Variants in RAB22A observed in about 807,000 individuals in gnomAD.
RAB22A encodes RAB22A, member RAS oncogene family.
RAB22A carries 13 observed loss-of-function variants against 30.2 expected under a neutral mutation model. That is an observed-to-expected ratio of 0.43 (90% CI 0.28 to 0.68). The LOEUF (loss-of-function observed/expected upper bound fraction) is 0.68. Ranked by LOEUF, RAB22A falls within the 30% of genes least tolerant of loss-of-function variation. RAB22A has a pLI of 0.18. For synonymous variants in RAB22A, 89 were observed against 87.2 expected (o/e 1.02, Z -0.11); for missense variants, 177 against 246.8 (o/e 0.72, Z 1.89).
chr20:58,357,193 CA>C (rs771216916), intron 6 of RAB22A, among the ~76,000 whole-genome samples: 3 of 152,090 alleles, frequency 2.0e-5, no homozygotes, highest in Non-Finnish European at 4.4e-5. Flanking sequence ...CAGTGATCTC[CA>C]TTTTCATGAC....
chr20:58,356,531 T>C (rs1436929224), intron 6 of RAB22A, among the ~76,000 whole-genome samples: 1 of 152,170 alleles, frequency 6.6e-6, no homozygotes, highest in African/African-American at 2.4e-5. Flanking sequence ...TGAAGTATAA[T>C]AGACATACAG....
At chr20:58,340,530 C>G (rs1986837230) in intron 2 of RAB22A, among the ~76,000 whole-genome samples, 1 of 152,168 alleles carries the variant, frequency 6.6e-6, no homozygotes, top group African/African-American at 2.4e-5. Flanking sequence ...GCATAACAGA[C>G]AGCCACTTAG....
At chr20:58,316,856 A>T (rs1185776973) in intron 2 of RAB22A, among the ~76,000 whole-genome samples, 1 of 152,076 alleles carries the variant, frequency 6.6e-6, no homozygotes, top group Admixed American at 6.5e-5. Context: ...GTCCTCAGGT[A>T]CTCAAGCCAG....
rs1987295346 is a variant in RAB22A, at chr20:58,365,210, A to AT, written c.*5508dup. On this transcript the variant is annotated 3_prime_UTR_variant, in exon 7 of 7. Transcript: ENST00000244040. ...TACTGTGGAGGAAATCATCCTTAAA[A>AT]TAGCATTTCACACATAGGGCCAAAA... is the stretch of plus-strand genomic sequence containing the variant. 6.6e-6 allele frequency: 1 copy of AT among 152,150 alleles called. No homozygotes were observed. Among genetic ancestry groups the AT allele is most frequent in the Non-Finnish European group, 1.5e-5 (1 of 68,018 alleles). The allele number at this position is 152,150 out of a possible 1,614,324, so 9.4% of individuals were successfully genotyped here. A position where few individuals can be genotyped will look rare whatever the true frequency, so the allele number is the denominator to read the frequency against.
intron 3 of RAB22A, 46 bp downstream of exon 3, chr20:58,343,845 A>C: frequency 7.0e-7 from 1 of 1,425,500 alleles, no homozygotes; most frequent in Non-Finnish European, 9.9e-7. Flanking sequence ...GCCCAAATGA[A>C]AGTTCCAACT....
intron 2 of RAB22A, among the ~76,000 whole-genome samples, chr20:58,341,550 A>T (rs943939390): frequency 2.0e-5 from 3 of 152,146 alleles, no homozygotes; most frequent in African/African-American, 7.2e-5. Flanking sequence ...AGCTTGAGGT[A>T]CAAGAAAACT....
intron 2 of RAB22A, among the ~76,000 whole-genome samples, chr20:58,339,354 A>C (rs576673008): frequency 6.6e-6 from 1 of 152,362 alleles, no homozygotes; most frequent in Admixed American, 6.5e-5. Flanking sequence ...CAGGCTGGAA[A>C]ATAAAAATGT....
intron 2 of RAB22A, among the ~76,000 whole-genome samples, chr20:58,316,165 A>G (rs1986334128): frequency 6.6e-6 from 1 of 152,192 alleles, no homozygotes; most frequent in Admixed American, 6.5e-5. Context: ...CTCCAGGGTC[A>G]GCAAAGGCCA....
At chr20:58,334,773 G>A (rs1436227704) in intron 2 of RAB22A, among the ~76,000 whole-genome samples, 1 of 145,694 alleles carries the variant, frequency 6.9e-6, no homozygotes, top group Non-Finnish European at 1.5e-5. Context: ...GCTAGACCCT[G>A]TAGTCCAGTG....
chr20:58,354,078 G>A (rs1749758030), intron 5 of RAB22A, 78 bp from the exon 6 acceptor site: 3 of 964,194 alleles, frequency 3.1e-6, no homozygotes, highest in Non-Finnish European at 4.8e-6. Context: ...TCATAAATCT[G>A]GTTAACTACT....
In RAB22A at chr20:58,343,738, C is replaced by G; in HGVS notation, c.137C>G (p.Thr46Ser). The G allele has an allele frequency of 6.2e-7, 1 of 1,610,400 alleles. No homozygotes were observed. The highest frequency in any genetic ancestry group is 2.2e-5 in the East Asian group (1 of 44,850). The change falls in exon 3 of 7, where the codon ACT becomes AGT. Residue 46 changes from threonine to serine, a missense_variant. Transcript: ENST00000244040. ...TATAGGGCATCTTTTATGACCAAGA[C>G]TGTCCAGTACCAAAATGAGCTACAT... ...PTIGASFMTK[T>S]VQYQNELHKF... is the part of the protein sequence containing the mutation.
chr20:58,330,238 T>G (rs78996703), intron 2 of RAB22A, among the ~76,000 whole-genome samples: 2,533 of 152,336 alleles, frequency 0.017, 29 homozygotes, highest in Non-Finnish European at 0.02. Flanking sequence ...CTGTTCAGTG[T>G]GTCTAATATT....
At chr20:58,346,786 G>T (rs752891114) in intron 3 of RAB22A, among the ~76,000 whole-genome samples, 5 of 152,188 alleles carry the variant, frequency 3.3e-5, no homozygotes, top group African/African-American at 4.8e-5. Flanking sequence ...TTCAGATATT[G>T]GTTGGTTGGA....
At chr20:58,333,213 G>A (rs1288034832) in intron 2 of RAB22A, among the ~76,000 whole-genome samples, 1 of 151,858 alleles carries the variant, frequency 6.6e-6, no homozygotes, top group Non-Finnish European at 1.5e-5. Context: ...CCAGGAGGCG[G>A]AGGTTGCAGT....
At position 58,359,795 on chromosome 20, in the gene RAB22A, C is replaced by G. The variant is rs1201968476; in HGVS notation, c.*92C>G. On this transcript the variant is annotated 3_prime_UTR_variant, in exon 7 of 7. Coordinates refer to ENST00000244040, the MANE Select transcript of RAB22A (RefSeq NM_020673.3). Reference sequence around the variant, plus strand: ...GTCCCTGCCACCAGTTTTCACCTAGCCAGTCTTGAGTCTTCTCCGTGCAAA... The same window carrying G: ...GTCCCTGCCACCAGTTTTCACCTAGGCAGTCTTGAGTCTTCTCCGTGCAAA... 8.6e-7 allele frequency: 1 copy of G among 1,167,504 alleles called. No homozygotes were observed. Among genetic ancestry groups the G allele is most frequent in the Non-Finnish European group, 1.2e-6 (1 of 811,112 alleles). The allele number at this position is 1,167,504 out of a possible 1,614,324, so 72.3% of individuals were successfully genotyped here.
chr20:58,330,687 C>T (rs1194552877), intron 2 of RAB22A, among the ~76,000 whole-genome samples: 2 of 152,118 alleles, frequency 1.3e-5, no homozygotes, highest in African/African-American at 4.8e-5. Context: ...ATGACAAATC[C>T]TTATTCTTGG....
intron 2 of RAB22A, among the ~76,000 whole-genome samples, chr20:58,328,175 G>GA: frequency 6.6e-6 from 1 of 151,908 alleles, no homozygotes; most frequent in African/African-American, 2.4e-5. Context: ...AACTATTTGC[G>GA]AAAAAAATGT....
At chr20:58,339,728 G>C (rs866160900) in intron 2 of RAB22A, among the ~76,000 whole-genome samples, 7 of 152,194 alleles carry the variant, frequency 4.6e-5, no homozygotes, top group African/African-American at 1.4e-4. Flanking sequence ...GGTGATTTGT[G>C]GGGGTAGAGT....
intron 2 of RAB22A, among the ~76,000 whole-genome samples, chr20:58,312,472 C>CT (rs58198236): frequency 0.012 from 447 of 38,754 alleles, 100 homozygotes; most frequent in Non-Finnish European, 0.014. Flanking sequence ...GGCTGGTTTT[C>CT]TTTTTTTTTT....
Sources: gnomAD v4.1 joint callset for allele counts (sites outside exome capture counted in the v4.1 genomes callset) on GRCh38, gnomAD v4.1.1 for gene constraint, MANE v1.5 for transcripts, NCBI Gene and HGNC (gene_info 2026-07-23, HGNC 2026-07-21) for gene names.